The following TENM3 variants were observed in gnomAD, a reference collection of about 807,000 sequenced individuals.
TENM3 encodes teneurin transmembrane protein 3, also known as teneurin-3.
Under a neutral mutation model 255.1 loss-of-function variants are expected in TENM3, and 63 were observed. The ratio of observed to expected loss-of-function variants is 0.25; its 90% CI spans 0.20 to 0.30. The LOEUF (loss-of-function observed/expected upper bound fraction) is 0.30, where lower values mean the gene tolerates loss of function less well. Among genes scored for constraint, TENM3 ranks in the 10% least tolerant of loss-of-function variants. The pLI is 1.00. For synonymous variants in TENM3, 1,306 were observed against 1,322.3 expected (o/e 0.99, Z 0.27); for missense variants, 2,929 against 3,461.1 (o/e 0.85, Z 3.86).
chr4:182,102,590 A>G, the TENM3 span, among the ~76,000 whole-genome samples: 5 of 152,302 alleles, frequency 3.3e-5, no homozygotes, highest in African/African-American at 1.2e-4. Context: ...TTGTGCTAAA[A>G]TTGTTTCTGA....
intron 19 of TENM3, among the ~76,000 whole-genome samples, chr4:182,746,709 G>A (rs553765388): frequency 6.6e-6 from 1 of 152,314 alleles, no homozygotes; most frequent in East Asian, 1.9e-4. Context: ...AGCTGTTGCA[G>A]CTTGAGATGC....
chr4:181,509,905 G>A, the TENM3 span, among the ~76,000 whole-genome samples: 1 of 152,222 alleles, frequency 6.6e-6, no homozygotes, highest in Non-Finnish European at 1.5e-5. Flanking sequence ...TTTCAGTGGA[G>A]TAGAGCATCA....
chr4:181,448,670 G>A, the TENM3 span, among the ~76,000 whole-genome samples: 1 of 152,192 alleles, frequency 6.6e-6, no homozygotes. Flanking sequence ...CTGTTGATGA[G>A]CAAATTCTAT....
At chr4:182,269,401 G>A (rs983086184) in intron 1 of TENM3, among the ~76,000 whole-genome samples, 11 of 152,166 alleles carry the variant, frequency 7.2e-5, no homozygotes, top group African/African-American at 2.7e-4. Context: ...GAGAGTACTG[G>A]ACAGTTGGCC....
At chr4:181,576,907 G>A in the TENM3 span, among the ~76,000 whole-genome samples, 12 of 135,154 alleles carry the variant, frequency 8.9e-5, no homozygotes, top group Admixed American at 3.3e-4. Context: ...TCTGCCTCCC[G>A]GGTTCAAGCG....
the TENM3 span, among the ~76,000 whole-genome samples, chr4:181,690,164 A>C: frequency 6.6e-6 from 1 of 152,070 alleles, no homozygotes; most frequent in Non-Finnish European, 1.5e-5. Flanking sequence ...TCGGGGACTG[A>C]TGTGTCAGTC....
chr4:182,081,516 G>A, the TENM3 span, among the ~76,000 whole-genome samples: 5 of 150,326 alleles, frequency 3.3e-5, no homozygotes, highest in East Asian at 2.0e-4. Context: ...CCCGGGAGGC[G>A]GAGATTGCAG....
chr4:182,508,510 G>T (rs1376400849), intron 3 of TENM3, among the ~76,000 whole-genome samples: 2 of 152,150 alleles, frequency 1.3e-5, no homozygotes, highest in Non-Finnish European at 2.9e-5. Context: ...TGAAATCCAT[G>T]AAATATTTAT....
At chr4:182,412,220 G>C (rs150246273) in intron 3 of TENM3, among the ~76,000 whole-genome samples, 148 of 152,202 alleles carry the variant, frequency 9.7e-4, no homozygotes, top group African/African-American at 3.4e-3. Flanking sequence ...GATACTTCCA[G>C]ACTTGGAGAC....
intron 24 of TENM3, among the ~76,000 whole-genome samples, chr4:182,786,737 A>T (rs1397076563): frequency 6.6e-6 from 1 of 152,072 alleles, no homozygotes; most frequent in Non-Finnish European, 1.5e-5. Context: ...AATTAAAATG[A>T]ATGCCAAGGA....
chr4:182,753,138 G>A (rs1434532081), intron 20 of TENM3, among the ~76,000 whole-genome samples: 3 of 152,052 alleles, frequency 2.0e-5, no homozygotes, highest in Non-Finnish European at 2.9e-5. Context: ...AGTAGAGACA[G>A]GGTTTCACCG....
chr4:182,371,198 T>C (rs1433554507), intron 3 of TENM3, among the ~76,000 whole-genome samples: 1 of 150,210 alleles, frequency 6.7e-6, no homozygotes, highest in East Asian at 2.0e-4. Context: ...GACTCCTTCG[T>C]TTCTGAGGGC....
At chr4:181,538,479 T>A in the TENM3 span, among the ~76,000 whole-genome samples, 1 of 151,584 alleles carries the variant, frequency 6.6e-6, no homozygotes, top group South Asian at 2.1e-4. Flanking sequence ...GGCGTGGTGG[T>A]TAATGGAAAG....
the TENM3 span, among the ~76,000 whole-genome samples, chr4:181,987,942 G>A: frequency 6.6e-6 from 1 of 152,022 alleles, no homozygotes; most frequent in Admixed American, 6.6e-5. Context: ...CTGAGCTGGA[G>A]GAAAGATGAA....
chr4:181,876,508 G>C, the TENM3 span, among the ~76,000 whole-genome samples: 1 of 152,120 alleles, frequency 6.6e-6, no homozygotes, highest in Non-Finnish European at 1.5e-5. Flanking sequence ...AATGCTGTCA[G>C]CTCTAAGTTT....
At chr4:182,151,750 T>C (rs1750374509) in intron 1 of TENM3, among the ~76,000 whole-genome samples, 2 of 152,042 alleles carry the variant, frequency 1.3e-5, no homozygotes, top group African/African-American at 4.8e-5. Flanking sequence ...TAAGCAAAAA[T>C]GAAATGAATA....
the TENM3 span, among the ~76,000 whole-genome samples, chr4:182,078,595 G>A: frequency 6.6e-6 from 1 of 152,112 alleles, no homozygotes; most frequent in Non-Finnish European, 1.5e-5. Context: ...AGATTTTAAC[G>A]TGACCACATT....
the TENM3 span, among the ~76,000 whole-genome samples, chr4:181,606,067 A>G: frequency 3.3e-5 from 5 of 151,766 alleles, no homozygotes; most frequent in Non-Finnish European, 5.9e-5. Flanking sequence ...TCCAGCCAAA[A>G]CTCTTGATTC....
At chr4:182,682,035 A>G in intron 11 of TENM3, 21 bp downstream of exon 11, 1 of 1,603,086 alleles carries the variant, frequency 6.2e-7, no homozygotes, top group Non-Finnish European at 8.5e-7. Context: ...TAAATGCAGT[A>G]CAATCGAGTT....
Sources: gnomAD v4.1 joint callset for allele counts (sites outside exome capture counted in the v4.1 genomes callset) on GRCh38, gnomAD v4.1.1 for gene constraint, MANE v1.5 for transcripts, NCBI Gene and HGNC (gene_info 2026-07-23, HGNC 2026-07-21) for gene names.